The following SDK1 variants were observed in gnomAD, a reference collection of about 807,000 sequenced individuals.
SDK1 encodes sidekick cell adhesion molecule 1.
A neutral mutation model predicts 245.5 loss-of-function variants in SDK1; 157 were observed. The observed-to-expected ratio is 0.64, with a 90% CI of 0.56 to 0.73. The LOEUF (loss-of-function observed/expected upper bound fraction) is 0.73, where lower values mean the gene tolerates loss of function less well. Among genes scored for constraint, SDK1 ranks in the 30% least tolerant of loss-of-function variants. The pLI, the probability that SDK1 is intolerant of heterozygous loss-of-function variation, is 0.00. For synonymous variants in SDK1, 1,647 were observed against 1,278.5 expected (o/e 1.29, Z -6.15); for missense variants, 3,583 against 3,002.3 (o/e 1.19, Z -4.52).
At chr7:3,721,215 G>A (rs1005426775) in intron 4 of SDK1, among the ~76,000 whole-genome samples, 6 of 152,130 alleles carry the variant, frequency 3.9e-5, no homozygotes, top group Admixed American at 6.5e-5. Context: ...AAAGCTACGC[G>A]TGTGATAAAA....
intron 1 of SDK1, among the ~76,000 whole-genome samples, chr7:3,414,505 C>T (rs964926271): frequency 1.3e-5 from 2 of 152,088 alleles, no homozygotes; most frequent in African/African-American, 4.8e-5. Flanking sequence ...ACATGAATAT[C>T]TATAGATCTT....
In SDK1 at chr7:4,051,772, C is replaced by T; in HGVS notation, c.2853C>T (p.Phe951=). The T allele has an allele frequency of 6.2e-7, 1 of 1,613,948 alleles. No individual in the cohort carries two copies. Among genetic ancestry groups the T allele is most frequent in the Non-Finnish European group, 8.5e-7 (1 of 1,179,946 alleles). ...CCTACTTCACTTCCGTTCTGTGCTT[C>T]ACCACCCCTGGGGACGGGCCTCCCA... is the stretch of plus-strand genomic sequence containing the variant. ...FTAYFTSVLC[F]TTPGDGPPST... Residue 951 remains phenylalanine, a synonymous_variant, in exon 19 of 45, where the codon TTC becomes TTT. Coordinates refer to ENST00000404826, the MANE Select transcript of SDK1 (RefSeq NM_152744.4).
chr7:3,996,144 T>G (rs897582436), intron 14 of SDK1, among the ~76,000 whole-genome samples: 1 of 152,196 alleles, frequency 6.6e-6, no homozygotes, highest in Non-Finnish European at 1.5e-5. Context: ...TTTCCCAACA[T>G]GATTTATTAA....
At chr7:3,743,057 C>A (rs928535906) in intron 4 of SDK1, among the ~76,000 whole-genome samples, 2 of 152,122 alleles carry the variant, frequency 1.3e-5, no homozygotes, top group Non-Finnish European at 2.9e-5. Context: ...CGGAACTTTC[C>A]TGGAGCAATG....
At chr7:3,842,277 C>T (rs1780176216) in intron 5 of SDK1, among the ~76,000 whole-genome samples, 1 of 152,218 alleles carries the variant, frequency 6.6e-6, no homozygotes, top group Admixed American at 6.5e-5. Flanking sequence ...TTAAGCTCTG[C>T]TGTGTTAGAG....
At chr7:3,823,430 T>C (rs986384144) in intron 5 of SDK1, among the ~76,000 whole-genome samples, 2 of 152,192 alleles carry the variant, frequency 1.3e-5, no homozygotes, top group African/African-American at 2.4e-5. Context: ...TGAAACTGTT[T>C]AACATCACAA....
intron 2 of SDK1, among the ~76,000 whole-genome samples, chr7:3,622,439 C>G (rs1043439883): frequency 2.0e-5 from 3 of 152,178 alleles, no homozygotes; most frequent in Non-Finnish European, 4.4e-5. Context: ...CAGGATCGCA[C>G]CACTGCACTC....
intron 1 of SDK1, among the ~76,000 whole-genome samples, chr7:3,357,294 A>G (rs1291925433): frequency 8.8e-6 from 1 of 113,032 alleles, no homozygotes; most frequent in Admixed American, 9.3e-5. Context: ...TTTATGTTTC[A>G]CTGTCTTTTT....
At chr7:3,879,314 A>G (rs566686475) in intron 5 of SDK1, among the ~76,000 whole-genome samples, 3 of 152,326 alleles carry the variant, frequency 2.0e-5, no homozygotes, top group African/African-American at 7.2e-5. Context: ...TTTGGTTTCA[A>G]GTCACAATTT....
At position 3,872,397 on chromosome 7, in the gene SDK1, G is replaced by A. The variant is rs73312053; in HGVS notation, c.847+50814G>A. Among the ~76,000 whole-genome samples, 1,120 of 152,152 alleles carry A rather than the reference G, an allele frequency of 7.4e-3. 13 individuals carry two copies. Among genetic ancestry groups the A allele is most frequent in the African/African-American group, 0.026 (1,076 of 41,544 alleles). ...TTCGGAAGATTTAACTAGTGACACT[G>A]AGTCTGGAGTTTTATTTTATTTTGT... On this transcript the variant is annotated intron_variant, in intron 5 of 44. Transcript: ENST00000404826.
At chr7:3,543,691 C>T (rs1216672705) in intron 1 of SDK1, among the ~76,000 whole-genome samples, 1 of 152,186 alleles carries the variant, frequency 6.6e-6, no homozygotes, top group Non-Finnish European at 1.5e-5. Flanking sequence ...TTGTGTTACA[C>T]GTACTCATAG....
chr7:4,166,779 T>A (rs1781526068), intron 32 of SDK1, among the ~76,000 whole-genome samples: 1 of 152,206 alleles, frequency 6.6e-6, no homozygotes, highest in Non-Finnish European at 1.5e-5. Flanking sequence ...GGCACGTGGT[T>A]GAGCCTCCCT....
chr7:3,486,859 A>G (rs1045698971), intron 1 of SDK1, among the ~76,000 whole-genome samples: 2 of 152,124 alleles, frequency 1.3e-5, no homozygotes, highest in African/African-American at 2.4e-5. Flanking sequence ...AAGAGGGTGC[A>G]TTACTCTCTG....
intron 2 of SDK1, among the ~76,000 whole-genome samples, chr7:3,638,789 ATAAAAT>A (rs1264823163): frequency 1.3e-4 from 20 of 151,514 alleles, no homozygotes; most frequent in African/African-American, 4.9e-4. Context: ...TATAATAATA[ATAAAAT>A]TTAAAAAAAA....
chr7:3,989,333 A>AG (rs1491227677), intron 14 of SDK1, among the ~76,000 whole-genome samples: 10 of 152,174 alleles, frequency 6.6e-5, no homozygotes, highest in African/African-American at 2.4e-4. Flanking sequence ...ACTTGCTGTC[A>AG]GGGGAACAGC....
In SDK1 at chr7:3,561,672, A is replaced by G. The variant is rs61226111; in HGVS notation, c.299-57408A>G. On this transcript the variant is annotated intron_variant, in intron 1 of 44. Coordinates refer to ENST00000404826, the MANE Select transcript of SDK1 (RefSeq NM_152744.4). The stretch of plus-strand genomic sequence containing the variant: ...ATCTGATGACTTATTTTCTCCTTAT[A>G]TGGATTATACTTGGCCTTCCCATTT... Among the ~76,000 whole-genome samples, 1,183 of 152,260 alleles carry G rather than the reference A, an allele frequency of 7.8e-3. 17 individuals carry two copies. Among genetic ancestry groups the G allele is most frequent in the African/African-American group, 0.027 (1,135 of 41,526 alleles).
rs191676961 is a variant in SDK1, at chr7:3,986,439, A to G, written c.1995-747A>G. Among the ~76,000 whole-genome samples, 773 of 152,186 alleles carry G rather than the reference A, an allele frequency of 5.1e-3. 7 individuals are homozygous for G. Among genetic ancestry groups the G allele is most frequent in the African/African-American group, 0.018 (730 of 41,524 alleles). ...ATACATGCAGGCATTTTCGCTCATAACTCTAAATGGCTAGTGTTGGAAACA... is the reference window on the plus strand; with the variant it reads ...ATACATGCAGGCATTTTCGCTCATAGCTCTAAATGGCTAGTGTTGGAAACA... On this transcript the variant is annotated intron_variant, in intron 13 of 44. Coordinates refer to ENST00000404826, the MANE Select transcript of SDK1 (RefSeq NM_152744.4).
chr7:3,871,772 C>T (rs1226894228), intron 5 of SDK1, among the ~76,000 whole-genome samples: 1 of 152,186 alleles, frequency 6.6e-6, no homozygotes, highest in Non-Finnish European at 1.5e-5. Flanking sequence ...CAACGCCACC[C>T]ACCAGGCCCC....
intron 1 of SDK1, among the ~76,000 whole-genome samples, chr7:3,510,175 C>T (rs1191603149): frequency 6.6e-6 from 1 of 152,166 alleles, no homozygotes; most frequent in Non-Finnish European, 1.5e-5. Flanking sequence ...TTTACTTCAG[C>T]TTTAATTCAA....
Sources: allele counts gnomAD v4.1 joint callset (sites outside exome capture counted in the v4.1 genomes callset), GRCh38; gene constraint gnomAD v4.1.1; transcripts MANE v1.5; gene names NCBI Gene and HGNC (gene_info 2026-07-23, HGNC 2026-07-21).